TRIP11: variants seen among roughly 807,000 people sequenced by gnomAD.
TRIP11 encodes thyroid receptor-interacting protein 11.
A neutral mutation model predicts 223.1 loss-of-function variants in TRIP11; 148 were observed. The ratio of observed to expected loss-of-function variants is 0.66; its 90% CI spans 0.58 to 0.76. The LOEUF is 0.76. Among genes scored for constraint, TRIP11 ranks in the 30% least tolerant of loss-of-function variants. The probability of loss-of-function intolerance (pLI) is 0.00; values close to 1 mark genes in which losing one functional copy is unlikely to be tolerated. For synonymous variants in TRIP11, 762 were observed against 772.6 expected, an observed-to-expected ratio of 0.99 and a Z score of 0.23; for missense variants, 2,043 against 2,222.0, an observed-to-expected ratio of 0.92 and a Z score of 1.62.
intron 3 of TRIP11, 112 bp downstream of exon 3, chr14:92,025,198 C>T: frequency 3.7e-6 from 3 of 807,136 alleles, no homozygotes; most frequent in East Asian, 2.7e-5. Flanking sequence ...AAATTCATCA[C>T]CTTTTCATAT....
At chr14:92,012,674 A>G (rs2056986680) in intron 7 of TRIP11, among the ~76,000 whole-genome samples, 1 of 152,224 alleles carries the variant, frequency 6.6e-6, no homozygotes, top group African/African-American at 2.4e-5. Flanking sequence ...CAGAAAATGC[A>G]AGGGTAACAG....
At chr14:91,981,336 G>T (rs1195442385) in intron 16 of TRIP11, among the ~76,000 whole-genome samples, 1 of 150,938 alleles carries the variant, frequency 6.6e-6, no homozygotes, top group African/African-American at 2.4e-5. Flanking sequence ...ATTTTTAAAA[G>T]ATATTATACT....
intron 5 of TRIP11, among the ~76,000 whole-genome samples, chr14:92,016,595 C>A (rs1034220344): frequency 6.6e-6 from 1 of 151,938 alleles, no homozygotes; most frequent in Non-Finnish European, 1.5e-5. Flanking sequence ...AACCAAGAAT[C>A]CTAATCTACA....
chr14:92,016,385 G>A (rs1018982586), intron 5 of TRIP11, among the ~76,000 whole-genome samples: 7 of 152,102 alleles, frequency 4.6e-5, no homozygotes, highest in Middle Eastern at 3.2e-3. Flanking sequence ...CTGGTTTGAC[G>A]GGAAGCACCA....
chr14:91,972,619 C>G lies in TRIP11; in HGVS notation c.5719+98G>C. ...TCTGGAAGTCCTGATTACACATTTC[C>G]AAAAATACTAAAAATTTAGTTAATA... On this transcript the variant is annotated intron_variant, in intron 20 of 20. Transcript: ENST00000267622. The G allele has an allele frequency of 6.0e-6, 8 of 1,328,622 alleles. No individual in the cohort carries two copies. The South Asian group carries it at 8.4e-5, about 14-fold the overall frequency. The allele number at this position is 1,328,622 out of a possible 1,614,324, so 82.3% of individuals were successfully genotyped here. A position where few individuals can be genotyped will look rare whatever the true frequency, so the allele number is the denominator to read the frequency against.
At chr14:92,002,577 T>C (rs80104772) in intron 11 of TRIP11, among the ~76,000 whole-genome samples, 1 of 151,912 alleles carries the variant, frequency 6.6e-6, no homozygotes, top group Non-Finnish European at 1.5e-5. Context: ...TTTTTTTTTT[T>C]TCTTTTTCTT....
intron 20 of TRIP11, among the ~76,000 whole-genome samples, chr14:91,970,976 G>A (rs2056394552): frequency 6.6e-6 from 1 of 152,086 alleles, no homozygotes; most frequent in Non-Finnish European, 1.5e-5. Flanking sequence ...TTTGCCAGAA[G>A]AAAAAACAAT....
chr14:91,976,767 A>C (rs1489010406), intron 16 of TRIP11, among the ~76,000 whole-genome samples: 1 of 152,194 alleles, frequency 6.6e-6, no homozygotes, highest in Non-Finnish European at 1.5e-5. Context: ...CTTATGACTG[A>C]CTTAGAAGGA....
chr14:92,010,616 T>C (rs373938366), intron 9 of TRIP11, among the ~76,000 whole-genome samples: 9 of 151,958 alleles, frequency 5.9e-5, no homozygotes, highest in East Asian at 1.9e-4. Context: ...TCCACCAAAA[T>C]GGACACATTC....
At chr14:92,038,095 T>C (rs942633529) in intron 1 of TRIP11, among the ~76,000 whole-genome samples, 1 of 151,978 alleles carries the variant, frequency 6.6e-6, no homozygotes, top group Admixed American at 6.6e-5. Context: ...AAACAAGATA[T>C]CATGACCAAC....
intron 13 of TRIP11, among the ~76,000 whole-genome samples, chr14:91,996,396 T>C (rs1039922287): frequency 3.3e-5 from 5 of 152,194 alleles, no homozygotes; most frequent in Admixed American, 3.3e-4. Flanking sequence ...AAAAATGTAG[T>C]CCAGGTGAGG....
At chr14:91,973,025 C>CTTTTTTT (rs142203489) in intron 19 of TRIP11, among the ~76,000 whole-genome samples, 164 bp from the exon 20 acceptor site, 1 of 131,352 alleles carries the variant, frequency 7.6e-6, no homozygotes, top group African/African-American at 3.0e-5. Flanking sequence ...AATACTGGCA[C>CTTTTTTT]TTTTTTTTTT....
chr14:91,988,207 C>T, intron 16 of TRIP11, 77 bp downstream of exon 16: 2 of 1,207,064 alleles, frequency 1.7e-6, no homozygotes, highest in East Asian at 5.0e-5. Flanking sequence ...CTCAACTATG[C>T]CAATTTATGA....
At chr14:91,994,792 T>C (rs1188681373) in intron 14 of TRIP11, among the ~76,000 whole-genome samples, 2 of 152,190 alleles carry the variant, frequency 1.3e-5, no homozygotes, top group Non-Finnish European at 2.9e-5. Flanking sequence ...AAAAGGTATA[T>C]TTGTTTCTCA....
At chr14:92,001,226 T>C (rs1384676965) in intron 11 of TRIP11, among the ~76,000 whole-genome samples, 1 of 152,212 alleles carries the variant, frequency 6.6e-6, no homozygotes, top group African/African-American at 2.4e-5. Context: ...GTTTAGTATA[T>C]TTTTAGTTTT....
At chr14:92,034,632 C>G (rs1394597976) in intron 1 of TRIP11, among the ~76,000 whole-genome samples, 1 of 152,102 alleles carries the variant, frequency 6.6e-6, no homozygotes, top group East Asian at 1.9e-4. Context: ...GTCTGGTTTT[C>G]TACATTTTCA....
intron 7 of TRIP11, among the ~76,000 whole-genome samples, chr14:92,012,891 C>G (rs1484315345): frequency 6.6e-6 from 1 of 152,130 alleles, no homozygotes; most frequent in Non-Finnish European, 1.5e-5. Flanking sequence ...GGGGAGTAAC[C>G]TGCTTTGCAT....
chr14:91,984,319 T>TTTC (rs1249507639), intron 16 of TRIP11, among the ~76,000 whole-genome samples: 4 of 71,864 alleles, frequency 5.6e-5, no homozygotes, highest in African/African-American at 1.8e-4. Context: ...TTTCTTTTCT[T>TTTC]TTTTTTTTTT....
In TRIP11 at chr14:92,003,659, A is replaced by G. The variant is rs1566858213; in HGVS notation, c.4317T>C (p.Leu1439=). The change falls in exon 11 of 21, where the codon CTT becomes CTC. Residue 1439 remains leucine (L), a synonymous_variant. Coordinates refer to ENST00000267622, the MANE Select transcript of TRIP11 (RefSeq NM_004239.4). ...TCAGGTTTGTTACTGCCTGCCTCAAAAGTTCGTTTTCATTTACTTTGTTAG... is the reference window on the plus strand; with the variant it reads ...TCAGGTTTGTTACTGCCTGCCTCAAGAGTTCGTTTTCATTTACTTTGTTAG... ...NFTNKVNENE[L]LRQAVTNLKE... 6.2e-7 allele frequency: 1 copy of G among 1,614,120 alleles called. No individual in the cohort carries two copies. Among genetic ancestry groups the G allele is most frequent in the African/African-American group, 1.3e-5 (1 of 75,032 alleles).
Sources: gnomAD v4.1 joint callset for allele counts (sites outside exome capture counted in the v4.1 genomes callset) on GRCh38, gnomAD v4.1.1 for gene constraint, MANE v1.5 for transcripts, NCBI Gene and HGNC (gene_info 2026-07-23, HGNC 2026-07-21) for gene names.